The following HTR1F variants were observed in gnomAD, a reference collection of about 807,000 sequenced individuals.
HTR1F encodes 5-hydroxytryptamine receptor 1F.
Under a neutral mutation model 24.0 loss-of-function variants are expected in HTR1F, and 17 were observed. The ratio of observed to expected loss-of-function variants is 0.71; its 90% CI spans 0.48 to 1.06. The LOEUF is 1.06. Among genes scored for constraint, HTR1F ranks in the 50% least tolerant of loss-of-function variants. The pLI, the probability that HTR1F is intolerant of heterozygous loss-of-function variation, is 0.00. For synonymous variants in HTR1F, 186 were observed against 156.8 expected, an observed-to-expected ratio of 1.19 and a Z score of -1.39; for missense variants, 391 against 427.8, an observed-to-expected ratio of 0.91 and a Z score of 0.76.
At chr3:87,918,423 G>A (rs985446284) in intron 2 of HTR1F, among the ~76,000 whole-genome samples, 5 of 151,994 alleles carry the variant, frequency 3.3e-5, no homozygotes, top group African/African-American at 4.8e-5. Context: ...TAGTAAAGAG[G>A]AAGTCAAACT....
chr3:87,884,762 T>G (rs994315002), intron 2 of HTR1F, among the ~76,000 whole-genome samples: 2 of 152,108 alleles, frequency 1.3e-5, no homozygotes, highest in African/African-American at 4.8e-5. Context: ...GGCCATTACA[T>G]AATGGTAAAG....
At chr3:87,916,309 GAAA>G (rs34801984) in intron 2 of HTR1F, among the ~76,000 whole-genome samples, 35,711 of 111,298 alleles carry the variant, frequency 0.32, 4,708 homozygotes, top group African/African-American at 0.37. Flanking sequence ...AAGCAAAAAA[GAAA>G]AAAAAAAAAA....
chr3:87,983,513 C>T lies in HTR1F; in HGVS notation c.-42-7195C>T, dbSNP rs138207095. Among the ~76,000 whole-genome samples, 794 of 152,274 alleles carry T rather than the reference C, an allele frequency of 5.2e-3. 5 individuals are homozygous for T. The highest frequency in any genetic ancestry group is 9.0e-3 in the Non-Finnish European group (610 of 68,018). ...ACTGCAATCTCATCTTTTTGTCATC[C>T]TTGCACATTACCTGAGCCCACTTTA... On this transcript the variant is annotated intron_variant, in intron 2 of 2. Transcript: ENST00000319595.
intron 2 of HTR1F, among the ~76,000 whole-genome samples, chr3:87,971,004 A>G (rs1705274894): frequency 6.6e-6 from 1 of 152,126 alleles, no homozygotes; most frequent in South Asian, 2.1e-4. Flanking sequence ...TCTTACCTTC[A>G]TGATCCCTGC....
At chr3:87,838,821 TAA>T (rs1229846099) in intron 2 of HTR1F, among the ~76,000 whole-genome samples, 11 of 140,944 alleles carry the variant, frequency 7.8e-5, no homozygotes, top group African/African-American at 1.3e-4. Flanking sequence ...ACTTCCTTCC[TAA>T]AAAAAAAAAA....
At chr3:87,890,314 A>C (rs1320663102) in intron 2 of HTR1F, among the ~76,000 whole-genome samples, 1 of 152,242 alleles carries the variant, frequency 6.6e-6, no homozygotes, top group Non-Finnish European at 1.5e-5. Flanking sequence ...ACCTGAGGGA[A>C]TATAATCACT....
intron 2 of HTR1F, among the ~76,000 whole-genome samples, chr3:87,881,867 A>G (rs1490507968): frequency 6.6e-6 from 1 of 152,222 alleles, no homozygotes; most frequent in Non-Finnish European, 1.5e-5. Context: ...ATGGGATCTA[A>G]TTAAACTAAA....
chr3:87,902,010 C>T (rs1706334880), intron 2 of HTR1F, among the ~76,000 whole-genome samples: 1 of 151,908 alleles, frequency 6.6e-6, no homozygotes, highest in South Asian at 2.1e-4. Context: ...TTTTATAAAC[C>T]ATAGTTAGCC....
At chr3:87,958,960 T>G (rs1037642462) in intron 2 of HTR1F, among the ~76,000 whole-genome samples, 1 of 151,782 alleles carries the variant, frequency 6.6e-6, no homozygotes, top group African/African-American at 2.4e-5. Flanking sequence ...GATTGTCAGA[T>G]CCATATTGTC....
intron 1 of HTR1F, among the ~76,000 whole-genome samples, chr3:87,800,146 C>G (rs1396404568): frequency 6.6e-6 from 1 of 152,058 alleles, no homozygotes; most frequent in Non-Finnish European, 1.5e-5. Context: ...ATATTGTCAC[C>G]AAATTAACTT....
At chr3:87,818,629 CCT>C (rs1176383533) in intron 1 of HTR1F, among the ~76,000 whole-genome samples, 2 of 152,174 alleles carry the variant, frequency 1.3e-5, no homozygotes, top group Non-Finnish European at 2.9e-5. Flanking sequence ...AGACCCCTGT[CCT>C]CTGTTTCCTT....
In HTR1F at chr3:87,992,031, C is replaced by T; in HGVS notation, c.*181C>T. On this transcript the variant is annotated 3_prime_UTR_variant, in exon 3 of 3. Transcript: ENST00000319595. The stretch of plus-strand genomic sequence containing the variant: ...ATAAAAGTTATTGATCACCACTATT[C>T]TAGGGTATTCAAAATTAGAAAATAA... 4.6e-6 allele frequency: 2 copies of T among 436,034 alleles called. No individual in the cohort carries two copies. The highest frequency in any genetic ancestry group is 8.1e-6 in the Non-Finnish European group (2 of 246,624). 27.0% of individuals were successfully genotyped at this position (436,034 alleles called of 1,614,324 possible).
At chr3:87,877,387 A>C (rs1705693215) in intron 2 of HTR1F, among the ~76,000 whole-genome samples, 2 of 152,086 alleles carry the variant, frequency 1.3e-5, no homozygotes, top group Non-Finnish European at 2.9e-5. Context: ...CTAAAAATTG[A>C]TTAGGCACCC....
At chr3:87,829,682 C>A (rs536349283) in intron 2 of HTR1F, among the ~76,000 whole-genome samples, 1 of 152,252 alleles carries the variant, frequency 6.6e-6, no homozygotes, top group East Asian at 1.9e-4. Flanking sequence ...TTCAAGTGAA[C>A]CAGCCACTCA....
At chr3:87,869,447 AGATAGAT>A (rs1470608917) in intron 2 of HTR1F, among the ~76,000 whole-genome samples, 1,825 of 117,316 alleles carry the variant, frequency 0.016, 21 homozygotes, top group African/African-American at 0.062. Context: ...ATAGATAGAT[AGATAGAT>A]GATAGATAGA....
At position 87,850,958 on chromosome 3, in the gene HTR1F, A is replaced by G. The variant is rs749947985; in HGVS notation, c.-43+28834A>G. Among the ~76,000 whole-genome samples, 9 of 151,806 alleles carry G rather than the reference A, an allele frequency of 5.9e-5. 1 individual carries two copies. The highest frequency in any genetic ancestry group is 2.1e-4 in the South Asian group (1 of 4,830). Reference sequence around the variant, plus strand: ...TCTATAGTTGTCTATACTATAATATATAAGTACTGTCTTTCTAAAAATTGT... The same window carrying G: ...TCTATAGTTGTCTATACTATAATATGTAAGTACTGTCTTTCTAAAAATTGT... On this transcript the variant is annotated intron_variant, in intron 2 of 2. Transcript: ENST00000319595.
chr3:87,869,343 G>C (rs1382688039), intron 2 of HTR1F, among the ~76,000 whole-genome samples: 1 of 150,552 alleles, frequency 6.6e-6, no homozygotes, highest in African/African-American at 2.4e-5. Flanking sequence ...CTTTAGTCAG[G>C]GTTCTCCAGA....
intron 2 of HTR1F, among the ~76,000 whole-genome samples, chr3:87,948,499 T>C (rs1704762436): frequency 1.3e-5 from 2 of 152,046 alleles, no homozygotes; most frequent in Non-Finnish European, 2.9e-5. Context: ...TTTTTTTTTT[T>C]AAGACAGGAC....
intron 2 of HTR1F, among the ~76,000 whole-genome samples, chr3:87,928,053 T>C (rs561919791): frequency 6.6e-6 from 1 of 151,470 alleles, no homozygotes; most frequent in Non-Finnish European, 1.5e-5. Flanking sequence ...TTTGCTTTTT[T>C]TTTTTTTTTT....
Sources: allele counts gnomAD v4.1 joint callset (sites outside exome capture counted in the v4.1 genomes callset), GRCh38; gene constraint gnomAD v4.1.1; transcripts MANE v1.5; gene names NCBI Gene and HGNC (gene_info 2026-07-23, HGNC 2026-07-21).